Variants in RPTOR observed in about 807,000 individuals in gnomAD.
RPTOR encodes regulatory-associated protein of mTOR.
RPTOR carries 21 observed loss-of-function variants against 169.9 expected under a neutral mutation model. The ratio of observed to expected loss-of-function variants is 0.12; its 90% CI spans 0.09 to 0.18. The LOEUF is 0.18. Among genes scored for constraint, RPTOR ranks in the 10% least tolerant of loss-of-function variants. RPTOR has a pLI of 1.00. For missense variants in RPTOR, 1,133 were observed against 1,855.9 expected (o/e 0.61, Z 7.16); for synonymous variants, 732 against 753.2 (o/e 0.97, Z 0.46).
chr17:80,667,305 G>T (rs909492376), intron 3 of RPTOR, among the ~76,000 whole-genome samples: 2 of 152,162 alleles, frequency 1.3e-5, no homozygotes, highest in Non-Finnish European at 2.9e-5. Flanking sequence ...GGGAGCGAAG[G>T]GAGACCAGGG....
intron 1 of RPTOR, among the ~76,000 whole-genome samples, chr17:80,581,258 TCTCCCTTGCTCCCTTC>T (rs1283805021): frequency 2.0e-5 from 3 of 152,244 alleles, no homozygotes; most frequent in Non-Finnish European, 2.9e-5. Context: ...CTTCCCTTTC[TCTCCCTTGCTCCCTTC>T]CTCCCTTGCT....
rs146423620 is a variant in RPTOR, at chr17:80,947,266, C to T, written c.3180C>T (p.Phe1060=). ...DWEKGEKLDY[F]HNGNPRYTRV... ...AGAAAGGGGAGAAGCTGGATTATTT[C>T]CACAATGGGAACCCTCGGTACACGA... The change falls in exon 27 of 34, where the codon TTC becomes TTT. Residue 1060 remains phenylalanine, a synonymous_variant. Transcript: ENST00000306801. The surrounding 1 kb of genome is among the most constrained non-coding windows in gnomAD (Gnocchi z 4.4). The T allele has an allele frequency of 2.2e-3, 3,460 of 1,604,332 alleles. 7 individuals carry two copies. The highest frequency in any genetic ancestry group is 2.5e-3 in the Non-Finnish European group (2,888 of 1,176,130).
chr17:80,860,510 G>C lies in RPTOR; in HGVS notation c.1509+2610G>C, dbSNP rs567983476. 2.0e-5 allele frequency among the ~76,000 whole-genome samples: 3 copies of C among 152,184 alleles called. No individual in the cohort carries two copies. The highest frequency in any genetic ancestry group is 2.9e-5 in the Non-Finnish European group (2 of 67,992). On this transcript the variant is annotated intron_variant, in intron 13 of 33. Coordinates refer to ENST00000306801, the MANE Select transcript of RPTOR (RefSeq NM_020761.3). The surrounding 1 kb of genome is among the most constrained non-coding windows in gnomAD (Gnocchi z 5.8). The stretch of plus-strand genomic sequence containing the variant: ...TCAGCCCTTCTGCTCCCTGCACCCA[G>C]CCCTGACCATAGCCTCCCCACACCC...
At chr17:80,548,376 T>G (rs2084304111) in intron 1 of RPTOR, among the ~76,000 whole-genome samples, 1 of 134,164 alleles carries the variant, frequency 7.5e-6, no homozygotes, top group African/African-American at 2.9e-5. Context: ...GGGTGGTTTT[T>G]TTTTTTTTTT....
chr17:80,695,712 T>G lies in RPTOR; in HGVS notation c.349-12129T>G, dbSNP rs1036591744. 1.2e-4 allele frequency among the ~76,000 whole-genome samples: 19 copies of G among 152,208 alleles called. No homozygotes were observed. The highest frequency in any genetic ancestry group is 4.3e-4 in the African/African-American group (18 of 41,442). On this transcript the variant is annotated intron_variant, in intron 3 of 33. Coordinates refer to ENST00000306801, the MANE Select transcript of RPTOR (RefSeq NM_020761.3). The surrounding 1 kb of genome is among the most constrained non-coding windows in gnomAD (Gnocchi z 4.9). The stretch of plus-strand genomic sequence containing the variant: ...TGGTGTGACTTTTGTATTTATAGAC[T>G]TCTTCCAAAGGTCACCTCTTTTATT...
intron 10 of RPTOR, among the ~76,000 whole-genome samples, chr17:80,842,756 G>A (rs538194330): frequency 2.5e-4 from 38 of 152,246 alleles, no homozygotes; most frequent in Middle Eastern, 3.4e-3. Flanking sequence ...CAGACGCTAC[G>A]CTCTTTGTCA....
chr17:80,892,226 C>T (rs1319888890), intron 18 of RPTOR, among the ~76,000 whole-genome samples: 2 of 152,096 alleles, frequency 1.3e-5, no homozygotes, highest in Admixed American at 6.6e-5. Flanking sequence ...TCACACGTGT[C>T]GTTTTGACTG....
At chr17:80,925,592 C>G (rs1378122041) in intron 24 of RPTOR, 112 bp downstream of exon 24, 6 of 828,890 alleles carry the variant, frequency 7.2e-6, no homozygotes, top group Non-Finnish European at 1.2e-5. Flanking sequence ...CCATTGTGGT[C>G]GTGGTAGTGA....
At chr17:80,869,805 G>T (rs560418396) in intron 13 of RPTOR, among the ~76,000 whole-genome samples, 1 of 152,328 alleles carries the variant, frequency 6.6e-6, no homozygotes, top group African/African-American at 2.4e-5. Context: ...ACACAGTGCA[G>T]AAAAACACAG....
intron 3 of RPTOR, among the ~76,000 whole-genome samples, chr17:80,701,653 G>A (rs2066101805): frequency 6.6e-6 from 1 of 152,236 alleles, no homozygotes; most frequent in Non-Finnish European, 1.5e-5. Context: ...AGTTCTGAGA[G>A]TGTTGCAGGC....
At chr17:80,802,312 G>A (rs2067168881) in intron 7 of RPTOR, 1 of 152,376 alleles carries the variant, frequency 6.6e-6, no homozygotes, top group Admixed American at 6.5e-5. Flanking sequence ...AGAAAACGTG[G>A]GCTGGGCGCA....
chr17:80,863,764 A>T (rs894409421), intron 13 of RPTOR, among the ~76,000 whole-genome samples: 7 of 152,188 alleles, frequency 4.6e-5, no homozygotes, highest in Non-Finnish European at 8.8e-5. Flanking sequence ...ATGAAAAAAT[A>T]CAAAACTCAG....
intron 31 of RPTOR, 184 bp downstream of exon 31, chr17:80,961,664 G>C (rs1284068072): frequency 3.0e-6 from 2 of 666,940 alleles, no homozygotes; most frequent in Non-Finnish European, 4.9e-6. Flanking sequence ...GGCCACAGCT[G>C]CTCCCCTGCT....
At position 80,965,711 on chromosome 17, in the gene RPTOR, C is replaced by A; in HGVS notation, c.*1381C>A. 1 of 233,328 alleles carries A rather than the reference C, an allele frequency of 4.3e-6. No individual in the cohort carries two copies. Among genetic ancestry groups the A allele is most frequent in the Non-Finnish European group, 8.5e-6 (1 of 118,102 alleles). 14.5% of individuals were successfully genotyped at this position (233,328 alleles called of 1,614,324 possible). A position where few individuals can be genotyped will look rare whatever the true frequency, so the allele number is the denominator to read the frequency against. On this transcript the variant is annotated 3_prime_UTR_variant, in exon 34 of 34. Transcript: ENST00000306801. ...AAGAGCATCTTCTGGGTGGATGGAA[C>A]CCTGCCTGGTCACATTTGGCCAGAG...
rs147783296 is a variant in RPTOR, at chr17:80,730,831, A to G, written c.654+125A>G. 1.6e-4 allele frequency: 160 copies of G among 980,468 alleles called. No individual in the cohort carries two copies. The East Asian group carries it at 3.7e-3, about 23-fold the overall frequency. 60.7% of individuals were successfully genotyped at this position (980,468 alleles called of 1,614,324 possible). ...GAATGGAGCAGGGCTCAGAATGCCA[A>G]GGGCAGGATGGCATATTCAATGCTG... On this transcript the variant is annotated intron_variant, in intron 5 of 33. Coordinates refer to ENST00000306801, the MANE Select transcript of RPTOR (RefSeq NM_020761.3). The surrounding 1 kb of genome is among the most constrained non-coding windows in gnomAD (Gnocchi z 4.2).
At chr17:80,574,851 A>T (rs2064947227) in intron 1 of RPTOR, among the ~76,000 whole-genome samples, 1 of 86,200 alleles carries the variant, frequency 1.2e-5, no homozygotes. Flanking sequence ...TTTTGTAGAG[A>T]CAGGGTCTTC....
chr17:80,920,643 G>A (rs1267418264), intron 21 of RPTOR, among the ~76,000 whole-genome samples: 2 of 152,224 alleles, frequency 1.3e-5, no homozygotes, highest in African/African-American at 4.8e-5. Flanking sequence ...GACCCCAGGC[G>A]GCTCAGCGTG....
intron 4 of RPTOR, among the ~76,000 whole-genome samples, chr17:80,716,120 G>A (rs2066237451): frequency 6.6e-6 from 1 of 152,166 alleles, no homozygotes; most frequent in South Asian, 2.1e-4. Context: ...AGTTCTACTT[G>A]TAGTTCTTTC....
intron 7 of RPTOR, among the ~76,000 whole-genome samples, chr17:80,798,033 C>G (rs1033147758): frequency 4.6e-5 from 7 of 152,236 alleles, no homozygotes; most frequent in African/African-American, 1.7e-4. Context: ...TTTCCCTTCA[C>G]TGAACATGTC....
Sources: allele counts gnomAD v4.1 joint callset (sites outside exome capture counted in the v4.1 genomes callset), GRCh38; gene constraint gnomAD v4.1.1; non-coding constraint Gnocchi (gnomAD v3.1); transcripts MANE v1.5; gene names NCBI Gene and HGNC (gene_info 2026-07-23, HGNC 2026-07-21).